PDGFB: variants seen among roughly 807,000 people sequenced by gnomAD.
PDGFB encodes the protein platelet derived growth factor subunit B.
Under a neutral mutation model 29.0 loss-of-function variants are expected in PDGFB, and 6 were observed. That is an observed-to-expected ratio of 0.21 (90% CI 0.11 to 0.41). The LOEUF is 0.41. Among genes scored for constraint, PDGFB ranks in the 10% least tolerant of loss-of-function variants. The probability of loss-of-function intolerance (pLI) is 1.00; values close to 1 mark genes in which losing one functional copy is unlikely to be tolerated. For missense variants in PDGFB, 299 were observed against 341.8 expected (o/e 0.87, Z 0.99); for synonymous variants, 144 against 140.8 (o/e 1.02, Z -0.16).
At position 39,229,289 on chromosome 22, in the gene PDGFB, C is replaced by T. The variant is rs532547658; in HGVS notation, c.601+795G>A. On this transcript the variant is annotated intron_variant, in intron 5 of 6. Transcript: ENST00000331163. Reference sequence around the variant, plus strand: ...GTAGCCTCGACATCCCAGCCTCAAGCGATCCTCCCACCTCAGCCTCCTAAG... The same window carrying T: ...GTAGCCTCGACATCCCAGCCTCAAGTGATCCTCCCACCTCAGCCTCCTAAG... Among the ~76,000 whole-genome samples the T allele has an allele frequency of 2.6e-5, 4 of 152,244 alleles. No homozygotes were observed. The South Asian group carries it at 6.2e-4, about 24-fold the overall frequency.
rs1932619347 is a variant in PDGFB, at chr22:39,243,423, G to A, written c.63+478C>T. Among the ~76,000 whole-genome samples, 1 of 152,102 alleles carries A rather than the reference G, an allele frequency of 6.6e-6. No individual in the cohort carries two copies. Among genetic ancestry groups the A allele is most frequent in the South Asian group, 2.1e-4 (1 of 4,832 alleles). ...GGACCCCGACCGGGAGCCAGGGTGG[G>A]ACCCGAGCCCCGTCAAAGGTCGGCG... On this transcript the variant is annotated intron_variant, in intron 1 of 6. Transcript: ENST00000331163. The surrounding 1 kb of genome is among the most constrained non-coding windows in gnomAD (Gnocchi z 6.4).
At chr22:39,239,481 C>T (rs1346547942) in intron 1 of PDGFB, among the ~76,000 whole-genome samples, 1 of 152,172 alleles carries the variant, frequency 6.6e-6, no homozygotes, top group African/African-American at 2.4e-5. Flanking sequence ...GCATGAGCAC[C>T]TGTTGGGAGT....
chr22:39,243,979 G>A lies in PDGFB; in HGVS notation c.-16C>T, dbSNP rs538565683. ...AGCGATTCATGCCGACTCCGGGCCC[G>A]GCCCCGCGGGGCCCCGGACGCGTAG... On this transcript the variant is annotated 5_prime_UTR_variant, in exon 1 of 7. Coordinates refer to ENST00000331163, the MANE Select transcript of PDGFB (RefSeq NM_002608.4). This position sits in a 1 kb window ranked among gnomAD's most constrained non-coding sequence, Gnocchi z 6.4. 1.0e-5 allele frequency: 16 copies of A among 1,541,136 alleles called. No homozygotes were observed. In the African/African-American group the frequency reaches 1.8e-4, roughly 17 times the overall value.
Position 39,230,126 on chromosome 22 carries a change from G to A in PDGFB, c.559C>T (p.Arg187Trp), listed in dbSNP as rs139111221. Reference protein sequence around the residue: ...ACKCETVAAARPVTRSPGGSQ... With the variant: ...ACKCETVAAAWPVTRSPGGSQ... Reference sequence around the variant, plus strand: ...CCCCCCGGGCTTCGGGTCACAGGCCGTGCAGCTGCCACTGTCTCACACTTG... The same window carrying A: ...CCCCCCGGGCTTCGGGTCACAGGCCATGCAGCTGCCACTGTCTCACACTTG... The change falls in exon 5 of 7, where the codon CGG becomes TGG. Residue 187 changes from arginine (R) to tryptophan (W), a missense_variant. Coordinates refer to ENST00000331163, the MANE Select transcript of PDGFB (RefSeq NM_002608.4). The A allele has an allele frequency of 2.4e-5, 38 of 1,613,772 alleles. No homozygotes were observed. The highest frequency in any genetic ancestry group is 8.3e-5 in the Admixed American group (5 of 60,004).
At position 39,243,542 on chromosome 22, in the gene PDGFB, G is replaced by A. The variant is rs1261622854; in HGVS notation, c.63+359C>T. ...GCTGGCGCCGAAGTGGGCTCGGGAG[G>A]ACGCGCTGCCTTCTGCACCCTGGGC... is the stretch of plus-strand genomic sequence containing the variant. On this transcript the variant is annotated intron_variant, in intron 1 of 6. Coordinates refer to ENST00000331163, the MANE Select transcript of PDGFB (RefSeq NM_002608.4). This position sits in a 1 kb window ranked among gnomAD's most constrained non-coding sequence, Gnocchi z 6.4. Among the ~76,000 whole-genome samples the A allele has an allele frequency of 2.6e-5, 4 of 152,186 alleles. No homozygotes were observed. The highest frequency in any genetic ancestry group is 5.9e-5 in the Non-Finnish European group (4 of 68,022).
intron 2 of PDGFB, among the ~76,000 whole-genome samples, chr22:39,235,226 A>C (rs1442987403): frequency 6.6e-6 from 1 of 152,190 alleles, no homozygotes; most frequent in South Asian, 2.1e-4. Context: ...AACAGGCCAG[A>C]GGTTAGAATA....
Position 39,242,698 on chromosome 22 carries a change from G to A in PDGFB, c.63+1203C>T, listed in dbSNP as rs1266546073. Among the ~76,000 whole-genome samples the A allele has an allele frequency of 6.6e-6, 1 of 151,932 alleles. No homozygotes were observed. The highest frequency in any genetic ancestry group is 2.4e-5 in the African/African-American group (1 of 41,378). ...TGGCGGCAGCCCAAGGCCGGGCCGC[G>A]GCCTCCGAGCCCTCCGCCTTAACCC... On this transcript the variant is annotated intron_variant, in intron 1 of 6. Coordinates refer to ENST00000331163, the MANE Select transcript of PDGFB (RefSeq NM_002608.4). The surrounding 1 kb of genome is among the most constrained non-coding windows in gnomAD (Gnocchi z 5.7).
intron 3 of PDGFB, 120 bp downstream of exon 3, chr22:39,233,315 T>TG (rs1482735348): frequency 9.1e-6 from 6 of 661,392 alleles, no homozygotes; most frequent in East Asian, 6.2e-5. Context: ...GTCCTGAATG[T>TG]GGGGGGAACG....
intron 5 of PDGFB, among the ~76,000 whole-genome samples, chr22:39,226,294 C>T (rs961346701): frequency 6.6e-6 from 1 of 152,206 alleles, no homozygotes; most frequent in African/African-American, 2.4e-5. Context: ...GGTGCCGTGC[C>T]AGTTCCAGGC....
intron 4 of PDGFB, among the ~76,000 whole-genome samples, chr22:39,230,557 C>T (rs922244504): frequency 4.6e-5 from 7 of 152,160 alleles, no homozygotes; most frequent in African/African-American, 7.2e-5. Flanking sequence ...GTCAGGGCTG[C>T]GGCAGAGGCG....
At chr22:39,237,744 T>C (rs2267406) in intron 1 of PDGFB, among the ~76,000 whole-genome samples, 118,582 of 152,222 alleles carry the variant, frequency 0.78, 46,459 homozygotes, top group East Asian at 0.9. Flanking sequence ...GCCAGAGAGC[T>C]GAATCCCACG....
rs985101831 is a variant in PDGFB at position 39,225,757 on chromosome 22, T to C, written c.692A>G (p.Asp231Gly). The C allele has an allele frequency of 1.2e-6, 2 of 1,614,060 alleles. No homozygotes were observed. The highest frequency in any genetic ancestry group is 8.5e-7 in the Non-Finnish European group (1 of 1,180,018). ...AAGGGTCTCCTTCAGTGCCGTCTTGTCATGCGTGTGCTTGAATTTCCGGTG... is the reference window on the plus strand; with the variant it reads ...AAGGGTCTCCTTCAGTGCCGTCTTGCCATGCGTGTGCTTGAATTTCCGGTG... ...GKHRKFKHTH[D>G]KTALKETLGA The change falls in exon 6 of 7, where the codon GAC becomes GGC. Residue 231 changes from aspartate to glycine, a missense_variant. By Grantham distance (94) the Asp-to-Gly change is moderately conservative. Transcript: ENST00000331163.
Position 39,231,970 on chromosome 22 carries a change from A to G in PDGFB, c.251-143T>C. 1.5e-6 allele frequency: 1 copy of G among 666,076 alleles called. No homozygotes were observed. The highest frequency in any genetic ancestry group is 2.5e-6 in the Non-Finnish European group (1 of 395,444). 41.3% of individuals were successfully genotyped at this position (666,076 alleles called of 1,614,324 possible). On this transcript the variant is annotated intron_variant, in intron 3 of 6. Transcript: ENST00000331163. The surrounding 1 kb of genome is among the most constrained non-coding windows in gnomAD (Gnocchi z 4.3). Reference sequence around the variant, plus strand: ...GTTCAGGTTTCAAGTCCTGGCTGTCATTAGCCATGGGACTTGGGCAGATGG... The same window carrying G: ...GTTCAGGTTTCAAGTCCTGGCTGTCGTTAGCCATGGGACTTGGGCAGATGG...
chr22:39,233,349 G>T, intron 3 of PDGFB, 86 bp downstream of exon 3: 1 of 937,562 alleles, frequency 1.1e-6, no homozygotes. Context: ...GACCCTCGGG[G>T]CCCTCCGACT....
At chr22:39,235,089 C>T (rs1932409402) in intron 2 of PDGFB, among the ~76,000 whole-genome samples, 1 of 152,150 alleles carries the variant, frequency 6.6e-6, no homozygotes, top group South Asian at 2.1e-4. Flanking sequence ...GGAGAGGAAA[C>T]AAAGGCAGGA....
chr22:39,230,297 C>T, intron 4 of PDGFB, 69 bp from the exon 5 acceptor site: 1 of 1,525,012 alleles, frequency 6.6e-7, no homozygotes, highest in East Asian at 2.2e-5. Context: ...GCCCGAATGG[C>T]TTGCGCTTCC....
At chr22:39,240,778 C>G in intron 1 of PDGFB, 1 of 1,521,500 alleles carries the variant, frequency 6.6e-7, no homozygotes, top group South Asian at 1.1e-5. Flanking sequence ...TGAAATAAAC[C>G]AGAACATAGG....
At chr22:39,236,837 C>A (rs1423248790) in intron 1 of PDGFB, among the ~76,000 whole-genome samples, 1 of 152,160 alleles carries the variant, frequency 6.6e-6, no homozygotes, top group Non-Finnish European at 1.5e-5. Context: ...CGTTCAAAGG[C>A]TGGAACCGGA....
rs79409466 is a variant in PDGFB at position 39,243,252 on chromosome 22, GTCTCTCTC to G, written c.63+641_63+648del. On this transcript the variant is annotated intron_variant, in intron 1 of 6. Transcript: ENST00000331163. The surrounding 1 kb of genome is among the most constrained non-coding windows in gnomAD (Gnocchi z 6.4). ...CCTCTCTCTCTCCGTCTCTCTCTCC[GTCTCTCTC>G]TCTCTCTCTCTCTTTCTCTCTCTCT... Among the ~76,000 whole-genome samples the G allele has an allele frequency of 4.2e-5, 6 of 143,756 alleles. No homozygotes were observed. Among genetic ancestry groups the G allele is most frequent in the Non-Finnish European group, 6.0e-5 (4 of 66,438 alleles). The allele number at this position is 143,756 out of a possible 152,430, so 94.3% of individuals were successfully genotyped here.
Sources: allele counts gnomAD v4.1 joint callset (sites outside exome capture counted in the v4.1 genomes callset), GRCh38; gene constraint gnomAD v4.1.1; non-coding constraint Gnocchi (gnomAD v3.1); transcripts MANE v1.5; gene names NCBI Gene and HGNC (gene_info 2026-07-23, HGNC 2026-07-21).